The following THAP7 variants were observed in gnomAD, a reference collection of about 807,000 sequenced individuals.
THAP7 encodes THAP domain-containing protein 7.
In THAP7, 22 loss-of-function variants were observed where a neutral mutation model predicts 29.2. The observed-to-expected ratio is 0.75, with a 90% CI of 0.54 to 1.08. The LOEUF is 1.08. Among genes scored for constraint, THAP7 ranks in the 50% least tolerant of loss-of-function variants. The pLI is 0.00. For missense variants in THAP7, 448 were observed against 416.2 expected, an observed-to-expected ratio of 1.08 and a Z score of -0.66; for synonymous variants, 208 against 173.4, an observed-to-expected ratio of 1.20 and a Z score of -1.57.
Position 21,000,317 on chromosome 22 carries a change from C to T in THAP7, c.493G>A (p.Gly165Arg). 6.4e-7 allele frequency: 1 copy of T among 1,555,796 alleles called. No homozygotes were observed. Among genetic ancestry groups the T allele is most frequent in the African/African-American group, 1.4e-5 (1 of 73,614 alleles). The stretch of plus-strand genomic sequence containing the variant: ...CTGCTAAGGCCAGGCTCCAGCCTCC[C>T]AGCTGGGGAGGCCGGCAAAGTGGCA... ...APATLPASPA[G>R]RLEPGLSSPF... Residue 165 changes from glycine to arginine, a missense_variant, in exon 4 of 4, where the codon GGG becomes AGG. Gly to Arg is a moderately radical substitution (Grantham distance 125, BLOSUM62 -2). Transcript: ENST00000215742.
chr22:21,000,800 G>A lies in THAP7; in HGVS notation c.237-13C>T, dbSNP rs756200681. Reference sequence around the variant, plus strand: ...CCTGTGATATCCACTGCGGGGAAAAGCAACCCAGATGAGCTGGAGAGCAAG... The same window carrying A: ...CCTGTGATATCCACTGCGGGGAAAAACAACCCAGATGAGCTGGAGAGCAAG... On this transcript the variant is annotated splice_polypyrimidine_tract_variant and intron_variant, in intron 2 of 3. Coordinates refer to ENST00000215742, the MANE Select transcript of THAP7 (RefSeq NM_030573.3). 2 of 1,613,960 alleles carry A rather than the reference G, an allele frequency of 1.2e-6. No individual in the cohort carries two copies. The highest frequency in any genetic ancestry group is 1.7e-5 in the Admixed American group (1 of 60,006).
In THAP7 at chr22:21,000,406, G is replaced by A. The variant is rs1484308743; in HGVS notation, c.404C>T (p.Thr135Ile). Reference protein sequence around the residue: ...KRCSEGRGPTTPFSPPPPADV... With the variant: ...KRCSEGRGPTIPFSPPPPADV... ...AGCAGGTGGAGGTGGAGAAAATGGA[G>A]TTGTGGGCCCTCGGCCCTCGGAGCA... is the stretch of plus-strand genomic sequence containing the variant. Residue 135 changes from threonine to isoleucine, a missense_variant, in exon 4 of 4, where the codon ACT (threonine) becomes ATT (isoleucine). Coordinates refer to ENST00000215742, the MANE Select transcript of THAP7 (RefSeq NM_030573.3). The A allele has an allele frequency of 1.3e-6, 2 of 1,553,532 alleles. No homozygotes were observed. The highest frequency in any genetic ancestry group is 1.7e-6 in the Non-Finnish European group (2 of 1,149,094).
chr22:21,001,417 G>T lies in THAP7; in HGVS notation c.81-6C>A. Reference sequence around the variant, plus strand: ...GGTTGTCCTTCTTGGGAAGTCTGTGGAGCCACAAACCCGTGAGCACCAGGC... The same window carrying T: ...GGTTGTCCTTCTTGGGAAGTCTGTGTAGCCACAAACCCGTGAGCACCAGGC... On this transcript the variant is annotated splice_polypyrimidine_tract_variant and splice_region_variant and intron_variant, in intron 1 of 3. Coordinates refer to ENST00000215742, the MANE Select transcript of THAP7 (RefSeq NM_030573.3). The T allele has an allele frequency of 6.2e-7, 1 of 1,613,182 alleles. No homozygotes were observed. The highest frequency in any genetic ancestry group is 1.1e-5 in the South Asian group (1 of 91,052).
chr22:21,000,622 G>C (rs1925106467), intron 3 of THAP7, 25 bp downstream of exon 3: 6 of 1,613,618 alleles, frequency 3.7e-6, no homozygotes, highest in Non-Finnish European at 5.1e-6. Context: ...GTGGGAGTGG[G>C]GCATCCCCCA....
intron 3 of THAP7, 38 bp from the exon 4 acceptor site, chr22:21,000,470 G>A: frequency 1.3e-6 from 2 of 1,539,354 alleles, no homozygotes; most frequent in Non-Finnish European, 1.7e-6. Flanking sequence ...GGGCTAGGCT[G>A]AGGGCTTGCC....
chr22:21,000,044 G>A lies in THAP7; in HGVS notation c.766C>T (p.Arg256Cys), dbSNP rs756191065. 2.5e-6 allele frequency: 4 copies of A among 1,612,954 alleles called. No individual in the cohort carries two copies. Among genetic ancestry groups the A allele is most frequent in the Middle Eastern group, 1.6e-4 (1 of 6,062 alleles). Residue 256 changes from arginine (R) to cysteine (C), a missense_variant, in exon 4 of 4, where the codon CGC becomes TGC. Coordinates refer to ENST00000215742, the MANE Select transcript of THAP7 (RefSeq NM_030573.3). ...AALDALDKAQ[R>C]QLQACKRREQ... is the part of the protein sequence containing the mutation. ...CGCCGCTTGCAGGCCTGCAGCTGGC[G>A]CTGGGCCTTGTCAAGGGCATCAAGG...
chr22:21,001,866 G>A lies in THAP7; in HGVS notation c.46C>T (p.Arg16Cys), dbSNP rs1202502307. 1 of 1,569,514 alleles carries A rather than the reference G, an allele frequency of 6.4e-7. No individual in the cohort carries two copies. Among genetic ancestry groups the A allele is most frequent in the African/African-American group, 1.4e-5 (1 of 73,718 alleles). Residue 16 changes from arginine (R) to cysteine (C), a missense_variant, in exon 1 of 4, where the codon CGC (arginine) becomes TGC (cysteine). By Grantham distance (180) the Arg-to-Cys change is radical. Coordinates refer to ENST00000215742, the MANE Select transcript of THAP7 (RefSeq NM_030573.3). ...GAGATGCCGCGGTTGCGCGTCTCGC[G>A]CGTGTCCCGTGTGCAGCAGCCGGCG... ...SAAGCCTRDTRETRNRGISFH... is the reference protein window; with the variant it reads ...SAAGCCTRDTCETRNRGISFH...
intron 3 of THAP7, 88 bp from the exon 4 acceptor site, chr22:21,000,520 C>T: frequency 6.4e-7 from 1 of 1,565,498 alleles, no homozygotes; most frequent in Non-Finnish European, 8.6e-7. Flanking sequence ...ACCCTTAACA[C>T]CCAAACCCGA....
At chr22:21,001,173 A>G (rs2061648918) in intron 2 of THAP7, 83 bp downstream of exon 2, 1 of 1,565,216 alleles carries the variant, frequency 6.4e-7, no homozygotes, top group African/African-American at 1.4e-5. Context: ...CAGGCTGCTC[A>G]AGGGACTTCC....
At chr22:21,001,458 G>C (rs1382055511) in intron 1 of THAP7, 47 bp from the exon 2 acceptor site, 1 of 1,593,924 alleles carries the variant, frequency 6.3e-7, no homozygotes, top group Non-Finnish European at 8.5e-7. Context: ...ACAGCCCTGG[G>C]CTCATGCTGC....
Position 21,001,874 on chromosome 22 carries a change from C to T in THAP7, c.38G>A (p.Arg13Gln). 6.4e-7 allele frequency: 1 copy of T among 1,572,246 alleles called. No individual in the cohort carries two copies. Among genetic ancestry groups the T allele is most frequent in the Non-Finnish European group, 8.6e-7 (1 of 1,160,462 alleles). The change falls in exon 1 of 4, where the codon CGG (arginine) becomes CAG (glutamine). Residue 13 changes from arginine (R) to glutamine (Q), a missense_variant. Coordinates refer to ENST00000215742, the MANE Select transcript of THAP7 (RefSeq NM_030573.3). ...RHCSAAGCCT[R>Q]DTRETRNRGI... ...GCGGTTGCGCGTCTCGCGCGTGTCC[C>T]GTGTGCAGCAGCCGGCGGCGGAGCA...
rs1230560558 is a variant in THAP7 at position 20,999,872 on chromosome 22, G to A, written c.*8C>T. On this transcript the variant is annotated 3_prime_UTR_variant, in exon 4 of 4. Coordinates refer to ENST00000215742, the MANE Select transcript of THAP7 (RefSeq NM_030573.3). ...GCTGGGCAGCCCCTCGGTCAGTCCA[G>A]CAGCCCCTCAGGCCATGCTGCTGCT... 1.3e-6 allele frequency: 2 copies of A among 1,599,644 alleles called. No individual in the cohort carries two copies. Among genetic ancestry groups the A allele is most frequent in the African/African-American group, 1.3e-5 (1 of 74,840 alleles).
intron 2 of THAP7, chr22:21,001,044 G>A (rs1925135657): frequency 8.2e-6 from 7 of 856,026 alleles, no homozygotes; most frequent in South Asian, 3.5e-5. Context: ...GGCAAGACTG[G>A]GGCTCTGAAA....
chr22:21,002,091 G>A lies in THAP7; in HGVS notation c.-180C>T, dbSNP rs1293158223. 1 of 598,576 alleles carries A rather than the reference G, an allele frequency of 1.7e-6. No individual in the cohort carries two copies. Among genetic ancestry groups the A allele is most frequent in the Non-Finnish European group, 2.8e-6 (1 of 356,850 alleles). The allele number at this position is 598,576 out of a possible 1,614,324, so 37.1% of individuals were successfully genotyped here. A position where few individuals can be genotyped will look rare whatever the true frequency, so the allele number is the denominator to read the frequency against. On this transcript the variant is annotated 5_prime_UTR_variant, in exon 1 of 4. Transcript: ENST00000215742. The stretch of plus-strand genomic sequence containing the variant: ...CTTCTGTCAGCGGCACTCACGCTCT[G>A]GCCATTGCTGCGCCGCCGAAGTCTC...
chr22:21,000,270 G>A lies in THAP7; in HGVS notation c.540C>T (p.Gly180=). ...CTTCATCTGCCTGGGCACCCAAGGG[G>A]CCCAGTAGGTCTGAAAAGGGGCTGC... ...GLSSPFSDLL[G]PLGAQADEAG... is the part of the protein sequence containing the mutation. The change falls in exon 4 of 4, where the codon GGC becomes GGT. Residue 180 remains glycine (G), a synonymous_variant. Transcript: ENST00000215742. 3 of 1,557,608 alleles carry A rather than the reference G, an allele frequency of 1.9e-6. No individual in the cohort carries two copies. The highest frequency in any genetic ancestry group is 2.4e-5 in the East Asian group (1 of 41,928).
Position 21,001,713 on chromosome 22 carries a change from C to A in THAP7, c.80+119G>T, listed in dbSNP as rs1925176477. 23 of 1,159,244 alleles carry A rather than the reference C, an allele frequency of 2.0e-5. 1 individual carries two copies. The South Asian group carries it at 3.7e-4, about 19-fold the overall frequency. 71.8% of individuals were successfully genotyped at this position (1,159,244 alleles called of 1,614,324 possible). A position where few individuals can be genotyped will look rare whatever the true frequency, so the allele number is the denominator to read the frequency against. ...CGGGACCGTTCCGCTTCACCTCCCA[C>A]CCACAGGTTCAAGCCTCCTCAGTAT... is the stretch of plus-strand genomic sequence containing the variant. On this transcript the variant is annotated intron_variant, in intron 1 of 3. Transcript: ENST00000215742.
rs766726678 is a variant in THAP7, at chr22:20,999,991, GGTCA to G, written c.815_818del (p.Leu272ProfsTer21). On this transcript the variant is annotated frameshift_variant, in exon 4 of 4. Coordinates refer to ENST00000215742, the MANE Select transcript of THAP7 (RefSeq NM_030573.3). LOFTEE classifies it high-confidence loss of function. ...CCCGTGCCCGCTCCTGCTGCAGCTT[GGTCA>G]GTCTCAACCGCAGCCGCTGCTCCCG... 5 of 1,612,680 alleles carry G rather than the reference GGTCA, an allele frequency of 3.1e-6. No homozygotes were observed. In the African/African-American group the frequency reaches 6.7e-5, roughly 22 times the overall value.
chr22:21,000,387 T>A lies in THAP7; in HGVS notation c.423A>T (p.Pro141=), dbSNP rs180686026. ...CAGGAAAGCAGGTGACATCAGCAGG[T>A]GGAGGTGGAGAAAATGGAGTTGTGG... ...RGPTTPFSPP[P]PADVTCFPVE... Residue 141 remains proline (P), a synonymous_variant, in exon 4 of 4, where the codon CCA becomes CCT. Transcript: ENST00000215742. 6.6e-4 allele frequency: 1,029 copies of A among 1,552,588 alleles called. 6 individuals are homozygous for A. In the African/African-American group the frequency reaches 0.013, roughly 19 times the overall value.
In THAP7 at chr22:21,002,098, G is replaced by C. The variant is rs537148883; in HGVS notation, c.-187C>G. On this transcript the variant is annotated 5_prime_UTR_variant, in exon 1 of 4. Coordinates refer to ENST00000215742, the MANE Select transcript of THAP7 (RefSeq NM_030573.3). ...CAGCGGCACTCACGCTCTGGCCATTGCTGCGCCGCCGAAGTCTCGCGAGGG... is the reference window on the plus strand; with the variant it reads ...CAGCGGCACTCACGCTCTGGCCATTCCTGCGCCGCCGAAGTCTCGCGAGGG... The C allele has an allele frequency of 1.2e-5, 7 of 586,378 alleles. No homozygotes were observed. The highest frequency in any genetic ancestry group is 1.1e-4 in the South Asian group (5 of 43,730). The allele number at this position is 586,378 out of a possible 1,614,324, so 36.3% of individuals were successfully genotyped here.
Sources: allele counts gnomAD v4.1 joint callset, GRCh38; gene constraint gnomAD v4.1.1; transcripts MANE v1.5; gene names NCBI Gene and HGNC (gene_info 2026-07-23, HGNC 2026-07-21).